DOT1L: variants seen among roughly 807,000 people sequenced by gnomAD.
DOT1L encodes the protein DOT1 like histone lysine methyltransferase.
In DOT1L, 33 loss-of-function variants were observed where a neutral mutation model predicts 153.3. That is an observed-to-expected ratio of 0.22 (90% CI 0.16 to 0.29). The LOEUF (loss-of-function observed/expected upper bound fraction) is 0.29, where lower values mean the gene tolerates loss of function less well. DOT1L is among the 10% of genes least tolerant of loss of function. DOT1L has a pLI of 1.00. For missense variants in DOT1L, 1,847 were observed against 2,119.9 expected (o/e 0.87, Z 2.53); for synonymous variants, 1,135 against 965.1 (o/e 1.18, Z -3.26).
chr19:2,189,824 GT>G (rs1568339588), intron 4 of DOT1L, 29 bp downstream of exon 4: 1 of 1,610,210 alleles, frequency 6.2e-7, no homozygotes, highest in East Asian at 2.2e-5. Flanking sequence ...CCCAGAGGGG[GT>G]TAGTAGTGCC....
At chr19:2,201,695 G>A (rs1350401402) in intron 8 of DOT1L, among the ~76,000 whole-genome samples, 3 of 152,220 alleles carry the variant, frequency 2.0e-5, no homozygotes, top group African/African-American at 4.8e-5. Context: ...TGGTCAGGCC[G>A]TGATTACTGT....
chr19:2,190,227 C>T lies in DOT1L; in HGVS notation c.264+432C>T, dbSNP rs897939570. 3.9e-5 allele frequency among the ~76,000 whole-genome samples: 6 copies of T among 152,202 alleles called. No homozygotes were observed. Among genetic ancestry groups the T allele is most frequent in the African/African-American group, 1.4e-4 (6 of 41,452 alleles). ...TGCACCCTTGGGCACCCCGGTCCTGCTGTGTCTCGTGAGGCTTTCCTCACA... is the reference window on the plus strand; with the variant it reads ...TGCACCCTTGGGCACCCCGGTCCTGTTGTGTCTCGTGAGGCTTTCCTCACA... On this transcript the variant is annotated intron_variant, in intron 4 of 27. Transcript: ENST00000398665. The surrounding 1 kb of genome is among the most constrained non-coding windows in gnomAD (Gnocchi z 4.8).
At chr19:2,179,074 G>C (rs900851876) in intron 1 of DOT1L, among the ~76,000 whole-genome samples, 13 of 147,440 alleles carry the variant, frequency 8.8e-5, no homozygotes, top group African/African-American at 7.5e-5. Flanking sequence ...AAGGAAAGCT[G>C]GGGGGGGGTC....
chr19:2,218,615 G>T (rs958934946), intron 22 of DOT1L, among the ~76,000 whole-genome samples: 1 of 151,992 alleles, frequency 6.6e-6, no homozygotes, highest in Non-Finnish European at 1.5e-5. Context: ...GGATGGTCTT[G>T]ATCTCCTGAC....
At chr19:2,186,080 A>G (rs2022494398) in intron 3 of DOT1L, 151 bp downstream of exon 3, 4 of 753,962 alleles carry the variant, frequency 5.3e-6, no homozygotes, top group South Asian at 5.0e-5. Context: ...CCATAAAGTT[A>G]TTTTGGTAGG....
chr19:2,215,920 C>T (rs748486564), intron 19 of DOT1L: 16 of 210,488 alleles, frequency 7.6e-5, no homozygotes, highest in East Asian at 4.4e-4. Flanking sequence ...TCAGACTCAG[C>T]GCCCGGGGAA....
chr19:2,210,295 G>A, intron 12 of DOT1L, 105 bp from the exon 13 acceptor site: 2 of 1,016,436 alleles, frequency 2.0e-6, no homozygotes, highest in South Asian at 1.7e-5. Flanking sequence ...AGTGGACAGA[G>A]TTGGGCCCGT....
Position 2,230,203 on chromosome 19 carries a change from G to A in DOT1L, c.*411G>A. 1 of 445,324 alleles carries A rather than the reference G, an allele frequency of 2.2e-6. No individual in the cohort carries two copies. The highest frequency in any genetic ancestry group is 3.9e-6 in the Non-Finnish European group (1 of 254,354). The allele number at this position is 445,324 out of a possible 1,614,324, so 27.6% of individuals were successfully genotyped here. On this transcript the variant is annotated 3_prime_UTR_variant, in exon 28 of 28. Coordinates refer to ENST00000398665, the MANE Select transcript of DOT1L (RefSeq NM_032482.3). Reference sequence around the variant, plus strand: ...GCCCGCGCCTGCCTCCACCCGCTTGGTGCTGACTAGACGCTGACAACGCCG... The same window carrying A: ...GCCCGCGCCTGCCTCCACCCGCTTGATGCTGACTAGACGCTGACAACGCCG...
intron 1 of DOT1L, among the ~76,000 whole-genome samples, chr19:2,164,698 C>T (rs1277638515): frequency 6.6e-6 from 1 of 150,418 alleles, no homozygotes; most frequent in Non-Finnish European, 1.5e-5. Flanking sequence ...AAAAATTGGG[C>T]GTTTGTCACG....
At chr19:2,211,634 C>T in intron 15 of DOT1L, 117 bp from the exon 16 acceptor site, 3 of 859,082 alleles carry the variant, frequency 3.5e-6, no homozygotes, top group Non-Finnish European at 5.4e-6. Flanking sequence ...TGAGCTCCTG[C>T]CTCATGAGTG....
rs1259161947 is a variant in DOT1L, at chr19:2,211,914, C to G, written c.1557+72C>G. On this transcript the variant is annotated intron_variant, in intron 16 of 27. Coordinates refer to ENST00000398665, the MANE Select transcript of DOT1L (RefSeq NM_032482.3). ...TTCGTTCCTGTTCCTGGGCATCTGTCCCCTGTGGCAGAGGCCCTGGAGCGC... is the reference window on the plus strand; with the variant it reads ...TTCGTTCCTGTTCCTGGGCATCTGTGCCCTGTGGCAGAGGCCCTGGAGCGC... The G allele has an allele frequency of 2.8e-6, 4 of 1,425,080 alleles. No individual in the cohort carries two copies. The Admixed American group carries it at 6.4e-5, about 23-fold the overall frequency. 88.3% of individuals were successfully genotyped at this position (1,425,080 alleles called of 1,614,324 possible).
intron 2 of DOT1L, among the ~76,000 whole-genome samples, chr19:2,185,095 G>C (rs949079261): frequency 3.3e-5 from 5 of 152,128 alleles, no homozygotes; most frequent in South Asian, 2.1e-4. Context: ...TAGTAGAGAC[G>C]GGGTTTCTCC....
At position 2,191,372 on chromosome 19, in the gene DOT1L, G is replaced by A. The variant is rs1223437145; in HGVS notation, c.493+132G>A. The stretch of plus-strand genomic sequence containing the variant: ...GCGTGGACAGTGCTTCCTTCTCCCA[G>A]CGCCTCTGTCCCGCTGTGGGGCCGT... On this transcript the variant is annotated intron_variant, in intron 5 of 27. Transcript: ENST00000398665. The surrounding 1 kb of genome is among the most constrained non-coding windows in gnomAD (Gnocchi z 6.8). 2.1e-6 allele frequency: 2 copies of A among 935,290 alleles called. No individual in the cohort carries two copies. Among genetic ancestry groups the A allele is most frequent in the African/African-American group, 3.3e-5 (2 of 61,440 alleles). The allele number at this position is 935,290 out of a possible 1,614,324, so 57.9% of individuals were successfully genotyped here.
chr19:2,168,570 A>G (rs1196846212), intron 1 of DOT1L, among the ~76,000 whole-genome samples: 4 of 152,170 alleles, frequency 2.6e-5, no homozygotes, highest in African/African-American at 9.7e-5. Flanking sequence ...TTATTCTTAC[A>G]TGACCTGGGA....
At chr19:2,228,934 C>T (rs1293881237) in intron 27 of DOT1L, 2 of 985,302 alleles carry the variant, frequency 2.0e-6, no homozygotes, top group Admixed American at 6.1e-5. Context: ...CCCAAGTGCC[C>T]TGCCTGCCTG....
chr19:2,228,069 C>T (rs1466158449), intron 27 of DOT1L: 3 of 1,319,690 alleles, frequency 2.3e-6, no homozygotes, highest in South Asian at 1.2e-5. Context: ...TCTGCAGAGC[C>T]TCGCGTCCCT....
chr19:2,217,448 C>T lies in DOT1L; in HGVS notation c.2545-324C>T, dbSNP rs147077586. Reference sequence around the variant, plus strand: ...GTGCACAGGGATGGAGAGGGAAGGACGGTGACGTTGCATGGACTTGGCAGT... The same window carrying T: ...GTGCACAGGGATGGAGAGGGAAGGATGGTGACGTTGCATGGACTTGGCAGT... On this transcript the variant is annotated intron_variant, in intron 21 of 27. Transcript: ENST00000398665. The surrounding 1 kb of genome is among the most constrained non-coding windows in gnomAD (Gnocchi z 7.3). Among the ~76,000 whole-genome samples, 145 of 152,214 alleles carry T rather than the reference C, an allele frequency of 9.5e-4. No homozygotes were observed. Among genetic ancestry groups the T allele is most frequent in the Middle Eastern group, 3.4e-3 (1 of 294 alleles).
intron 9 of DOT1L, among the ~76,000 whole-genome samples, chr19:2,206,285 C>A (rs558789327): frequency 6.0e-4 from 91 of 152,154 alleles, no homozygotes; most frequent in African/African-American, 2.1e-3. Flanking sequence ...TGCACCGCGC[C>A]GAGAATGTTT....
Position 2,222,381 on chromosome 19 carries a change from C to T in DOT1L, c.3212C>T (p.Ala1071Val), listed in dbSNP as rs1376629380. The T allele has an allele frequency of 1.9e-6, 3 of 1,611,354 alleles. No homozygotes were observed. Among genetic ancestry groups the T allele is most frequent in the Non-Finnish European group, 8.5e-7 (1 of 1,179,286 alleles). Residue 1071 changes from alanine (A) to valine (V), a missense_variant, in exon 24 of 28, where the codon GCC becomes GTC. By Grantham distance (64) the Ala-to-Val change is moderately conservative. Transcript: ENST00000398665. The surrounding 1 kb of genome is among the most constrained non-coding windows in gnomAD (Gnocchi z 6.5). ...AAGCACAGCCCCCTGACCGCCAGCG[C>T]CCGTGGGGACTGTGTGCCGAGCCAC... ...SSKHSPLTAS[A>V]RGDCVPSHGQ...
Sources: allele counts gnomAD v4.1 joint callset (sites outside exome capture counted in the v4.1 genomes callset), GRCh38; gene constraint gnomAD v4.1.1; non-coding constraint Gnocchi (gnomAD v3.1); transcripts MANE v1.5; gene names NCBI Gene and HGNC (gene_info 2026-07-23, HGNC 2026-07-21).